Variants in TENM2 observed in about 807,000 individuals in gnomAD.
TENM2 encodes teneurin transmembrane protein 2, also known as teneurin-2.
In TENM2, 52 loss-of-function variants were observed where a neutral mutation model predicts 245.2. The observed-to-expected ratio is 0.21, with a 90% CI of 0.17 to 0.27. The LOEUF is 0.27. TENM2 is among the 10% of genes least tolerant of loss of function. The pLI is 1.00. For synonymous variants in TENM2, 1,363 were observed against 1,438.9 expected, an observed-to-expected ratio of 0.95 and a Z score of 1.19; for missense variants, 3,046 against 3,666.8, an observed-to-expected ratio of 0.83 and a Z score of 4.37.
intron 2 of TENM2, among the ~76,000 whole-genome samples, chr5:167,425,288 C>A (rs1483091512): frequency 3.9e-5 from 6 of 152,128 alleles, no homozygotes; most frequent in Admixed American, 3.9e-4. Flanking sequence ...GTGAATTGGT[C>A]TTCTGAGAGG....
chr5:167,795,803 G>T (rs1765275960), intron 2 of TENM2, among the ~76,000 whole-genome samples: 1 of 152,176 alleles, frequency 6.6e-6, no homozygotes, highest in South Asian at 2.1e-4. Flanking sequence ...AGAGAACTGT[G>T]TCACTGAAGT....
the TENM2 span, among the ~76,000 whole-genome samples, chr5:167,076,089 A>G: frequency 6.6e-6 from 1 of 152,190 alleles, no homozygotes; most frequent in African/African-American, 2.4e-5. Context: ...TAAGGTATAC[A>G]GCTTTTCTGG....
chr5:168,217,109 TGA>T (rs151251233), intron 22 of TENM2, among the ~76,000 whole-genome samples, 187 bp downstream of exon 24: 8 of 149,312 alleles, frequency 5.4e-5, no homozygotes, highest in East Asian at 2.0e-4. Flanking sequence ...CAGATAGGTA[TGA>T]GAGAGAGAGA....
At chr5:167,617,524 C>T (rs187979866) in intron 2 of TENM2, among the ~76,000 whole-genome samples, 13 of 152,262 alleles carry the variant, frequency 8.5e-5, no homozygotes, top group African/African-American at 2.4e-4. Flanking sequence ...ATATTGATCT[C>T]TATTTGATCT....
chr5:167,702,539 T>C (rs145298024), intron 2 of TENM2, among the ~76,000 whole-genome samples: 1 of 97,790 alleles, frequency 1.0e-5, no homozygotes, highest in Non-Finnish European at 1.8e-5. Flanking sequence ...TGTATGTATG[T>C]ATGTGTGTGT....
At chr5:167,025,766 G>A in the TENM2 span, among the ~76,000 whole-genome samples, 1 of 152,134 alleles carries the variant, frequency 6.6e-6, no homozygotes, top group Non-Finnish European at 1.5e-5. Context: ...GAAAATAAGA[G>A]TAATATTACC....
intron 25 of TENM2, among the ~76,000 whole-genome samples, chr5:168,243,277 C>T (rs1459790280): frequency 6.6e-6 from 1 of 152,198 alleles, no homozygotes; most frequent in African/African-American, 2.4e-5. Context: ...GCTCTGCCTT[C>T]TGGGATAGGC....
intron 2 of TENM2, among the ~76,000 whole-genome samples, chr5:167,769,874 A>C (rs186485739): frequency 6.6e-6 from 1 of 152,280 alleles, no homozygotes; most frequent in Non-Finnish European, 1.5e-5. Context: ...TGGGATTATT[A>C]GAGCTTGGTG....
At chr5:167,500,345 G>T (rs1309359212) in intron 2 of TENM2, among the ~76,000 whole-genome samples, 1 of 151,980 alleles carries the variant, frequency 6.6e-6, no homozygotes, top group Admixed American at 6.6e-5. Flanking sequence ...AAATATGAAT[G>T]TCCTTTTCCC....
intron 2 of TENM2, among the ~76,000 whole-genome samples, chr5:167,535,420 G>C (rs1771785618): frequency 6.6e-6 from 1 of 152,056 alleles, no homozygotes; most frequent in African/African-American, 2.4e-5. Context: ...TCATAGGTGA[G>C]AAAACAGTGG....
At chr5:166,979,715 T>A in the TENM2 span, among the ~76,000 whole-genome samples, 1 of 152,032 alleles carries the variant, frequency 6.6e-6, no homozygotes, top group East Asian at 1.9e-4. Context: ...TCCTCCTTCA[T>A]CCTCAGATGA....
chr5:167,658,757 G>A (rs1755013477), intron 2 of TENM2, among the ~76,000 whole-genome samples: 1 of 152,128 alleles, frequency 6.6e-6, no homozygotes, highest in South Asian at 2.1e-4. Flanking sequence ...AGGGTAGAAG[G>A]ACTAATGTTT....
intron 2 of TENM2, among the ~76,000 whole-genome samples, chr5:167,524,050 C>A (rs1054301108): frequency 5.3e-5 from 8 of 152,272 alleles, no homozygotes; most frequent in African/African-American, 1.7e-4. Flanking sequence ...GCCTATGATT[C>A]TTTTATAGGT....
chr5:167,296,852 A>C (rs566717423), intron 1 of TENM2, among the ~76,000 whole-genome samples: 117 of 152,350 alleles, frequency 7.7e-4, no homozygotes, highest in Non-Finnish European at 1.4e-3. Context: ...GGGAGGCTAC[A>C]GCAAAGTGCT....
upstream of TENM2, among the ~76,000 whole-genome samples, chr5:167,283,584 T>C (rs1459893363): frequency 1.3e-5 from 2 of 152,126 alleles, no homozygotes; most frequent in African/African-American, 2.4e-5. Flanking sequence ...AGCAGAGGGG[T>C]TCAAAACTAT....
At chr5:167,207,349 G>A in the TENM2 span, among the ~76,000 whole-genome samples, 1 of 152,248 alleles carries the variant, frequency 6.6e-6, no homozygotes, top group East Asian at 1.9e-4. Context: ...TAGTCACTGA[G>A]TTCCGGCCAA....
intron 2 of TENM2, among the ~76,000 whole-genome samples, chr5:167,556,465 T>C (rs1166069220): frequency 9.3e-5 from 14 of 151,340 alleles, no homozygotes; most frequent in Admixed American, 3.3e-4. Flanking sequence ...AAATTCAGCG[T>C]GTACGTTTGC....
chr5:167,533,738 G>A (rs1167425927), intron 2 of TENM2, among the ~76,000 whole-genome samples: 1 of 152,134 alleles, frequency 6.6e-6, no homozygotes, highest in Non-Finnish European at 1.5e-5. Context: ...GGGATTACAG[G>A]AGTGAGCCAT....
chr5:167,962,249 T>A (rs1781069395), intron 4 of TENM2, among the ~76,000 whole-genome samples: 1 of 151,354 alleles, frequency 6.6e-6, no homozygotes, highest in Admixed American at 6.6e-5. Flanking sequence ...AAGAAAAAAA[T>A]TGGTGGGAAG....
Sources: gnomAD v4.1 joint callset for allele counts (sites outside exome capture counted in the v4.1 genomes callset) on GRCh38, gnomAD v4.1.1 for gene constraint, MANE v1.5 for transcripts, NCBI Gene and HGNC (gene_info 2026-07-23, HGNC 2026-07-21) for gene names.